DNAH2: variants seen among roughly 807,000 people sequenced by gnomAD.
DNAH2 encodes dynein axonemal heavy chain 2.
Under a neutral mutation model 523.5 loss-of-function variants are expected in DNAH2, and 323 were observed. The observed-to-expected ratio is 0.62, with a 90% CI of 0.56 to 0.68. The LOEUF (loss-of-function observed/expected upper bound fraction) is 0.68, where lower values mean the gene tolerates loss of function less well. Among genes scored for constraint, DNAH2 ranks in the 30% least tolerant of loss-of-function variants. The pLI is 0.00. For synonymous variants in DNAH2, 2,093 were observed against 2,177.4 expected, an observed-to-expected ratio of 0.96 and a Z score of 1.08; for missense variants, 4,907 against 5,701.5, an observed-to-expected ratio of 0.86 and a Z score of 4.49.
Position 7,792,704 on chromosome 17 carries a change from A to G in DNAH2, c.7193A>G (p.Tyr2398Cys). The change falls in exon 47 of 86, where the codon TAC becomes TGC. Residue 2398 changes from tyrosine to cysteine, a missense_variant. This residue lies in a region of DNAH2 where 2,806 missense variants were observed against 3,190.8 expected (regional missense o/e 0.88). Transcript: ENST00000572933. Reference sequence around the variant, plus strand: ...GTGCCCACCGTCGACACTGTTCGCTACAACTACCTGGTGAGCAGCTTGGTG... The same window carrying G: ...GTGCCCACCGTCGACACTGTTCGCTGCAACTACCTGGTGAGCAGCTTGGTG... ...IMVPTVDTVRYNYLVSSLVAN... is the reference protein window; with the variant it reads ...IMVPTVDTVRCNYLVSSLVAN... 3 of 1,614,162 alleles carry G rather than the reference A, an allele frequency of 1.9e-6. No homozygotes were observed. The highest frequency in any genetic ancestry group is 1.7e-6 in the Non-Finnish European group (2 of 1,180,026).
Position 7,799,183 on chromosome 17 carries a change from A to G in DNAH2, c.8640A>G (p.Glu2880=), listed in dbSNP as rs766112000. ...SSDSLFAYLI[E]RVQNNLHIVL... ...ACAGCCTCTTCGCCTACCTCATTGAACGCGTGCAGAACAACCTGCACATCG... is the reference window on the plus strand; with the variant it reads ...ACAGCCTCTTCGCCTACCTCATTGAGCGCGTGCAGAACAACCTGCACATCG... The change falls in exon 56 of 86, where the codon GAA becomes GAG. Residue 2880 remains glutamate, a synonymous_variant. Transcript: ENST00000572933. 2 of 1,614,048 alleles carry G rather than the reference A, an allele frequency of 1.2e-6. No individual in the cohort carries two copies. The highest frequency in any genetic ancestry group is 3.3e-5 in the Admixed American group (2 of 59,996).
intron 39 of DNAH2, among the ~76,000 whole-genome samples, chr17:7,785,094 A>ATT (rs33990598): frequency 2.2e-5 from 3 of 134,818 alleles, no homozygotes; most frequent in Admixed American, 7.4e-5. Context: ...AAATTAGAGA[A>ATT]TTTTTTTTTT....
In DNAH2 at chr17:7,731,750, C is replaced by T. The variant is rs545863171; in HGVS notation, c.400-1337C>T. ...AAACTTTTAAAAAAATGGACATGGCCGGGCACAGTGGCTCACGCCTATAAT... is the reference window on the plus strand; with the variant it reads ...AAACTTTTAAAAAAATGGACATGGCTGGGCACAGTGGCTCACGCCTATAAT... On this transcript the variant is annotated intron_variant, in intron 4 of 85. Coordinates refer to ENST00000572933, the MANE Select transcript of DNAH2 (RefSeq NM_020877.5). 8.7e-4 allele frequency among the ~76,000 whole-genome samples: 133 copies of T among 152,050 alleles called. 1 individual carries two copies. The highest frequency in any genetic ancestry group is 2.5e-3 in the African/African-American group (104 of 41,466).
intron 1 of DNAH2, among the ~76,000 whole-genome samples, chr17:7,719,276 C>G (rs529347356): frequency 1.1e-3 from 171 of 152,126 alleles, no homozygotes; most frequent in African/African-American, 4.0e-3. Flanking sequence ...TACAGGCACG[C>G]ACCACCACTC....
chr17:7,819,122 A>T, intron 71 of DNAH2, 59 bp downstream of exon 71: 1 of 1,602,706 alleles, frequency 6.2e-7, no homozygotes, highest in South Asian at 1.1e-5. Flanking sequence ...CAACTCCATC[A>T]TGACGGCTCG....
At chr17:7,765,025 C>T (rs981026033) in intron 20 of DNAH2, among the ~76,000 whole-genome samples, 7 of 152,128 alleles carry the variant, frequency 4.6e-5, no homozygotes, top group African/African-American at 1.7e-4. Flanking sequence ...TCCCAAAGTG[C>T]TGGGATCACA....
At position 7,798,498 on chromosome 17, in the gene DNAH2, G is replaced by C; in HGVS notation, c.8399-60G>C. The C allele has an allele frequency of 6.3e-7, 1 of 1,599,832 alleles. No individual in the cohort carries two copies. Among genetic ancestry groups the C allele is most frequent in the South Asian group, 1.1e-5 (1 of 89,660 alleles). Reference sequence around the variant, plus strand: ...GGAGGGTTCCTAAATCTCAGAAAAGGAATCAAGCCCAGGATGGGGAATCTG... The same window carrying C: ...GGAGGGTTCCTAAATCTCAGAAAAGCAATCAAGCCCAGGATGGGGAATCTG... On this transcript the variant is annotated intron_variant, in intron 54 of 85. Coordinates refer to ENST00000572933, the MANE Select transcript of DNAH2 (RefSeq NM_020877.5). The surrounding 1 kb of genome is among the most constrained non-coding windows in gnomAD (Gnocchi z 5.5).
In DNAH2 at chr17:7,780,753, C is replaced by T. The variant is rs139075634; in HGVS notation, c.5974C>T (p.Arg1992Cys). ...TCTGCGCTATGCTGGCAAGAAGCGC[C>T]GCCTACAGCCGGATCTGACTGATGA... ...SLLRYAGKKR[R>C]LQPDLTDEEV... Residue 1992 changes from arginine (R) to cysteine (C), a missense_variant, in exon 38 of 86, where the codon CGC (arginine) becomes TGC (cysteine). Arg to Cys is a radical substitution (Grantham distance 180, BLOSUM62 -3). Transcript: ENST00000572933. This position sits in a 1 kb window ranked among gnomAD's most constrained non-coding sequence, Gnocchi z 4.4. The T allele has an allele frequency of 2.4e-5, 39 of 1,614,128 alleles. No homozygotes were observed. Among genetic ancestry groups the T allele is most frequent in the Admixed American group, 1.0e-4 (6 of 60,014 alleles).
In DNAH2 at chr17:7,757,192, G is replaced by A. The variant is rs189529770; in HGVS notation, c.2006G>A (p.Arg669His). ...GTAGCTGAGCGAGCCGAGGACCTGCGCATTCTGCGTGAAAATCTGCTACTC... is the reference window on the plus strand; with the variant it reads ...GTAGCTGAGCGAGCCGAGGACCTGCACATTCTGCGTGAAAATCTGCTACTC... ...VNVAERAEDL[R>H]ILRENLLLVA... The change falls in exon 13 of 86, where the codon CGC (arginine) becomes CAC (histidine). Residue 669 changes from arginine (R) to histidine (H), a missense_variant. By Grantham distance (29) the Arg-to-His change is conservative. Around this residue, in one of 3 missense-constraint regions of DNAH2, gnomAD observed 2,806 missense variants for 3,190.8 expected, o/e 0.88. Transcript: ENST00000572933. The A allele has an allele frequency of 2.9e-5, 47 of 1,614,136 alleles. No individual in the cohort carries two copies. Among genetic ancestry groups the A allele is most frequent in the Non-Finnish European group, 3.6e-5 (43 of 1,180,014 alleles).
chr17:7,768,200 A>G lies in DNAH2; in HGVS notation c.3874A>G (p.Lys1292Glu). 6.2e-7 allele frequency: 1 copy of G among 1,614,136 alleles called. No homozygotes were observed. The highest frequency in any genetic ancestry group is 8.5e-7 in the Non-Finnish European group (1 of 1,180,010). ...NWEIIETTRS[K>E]IEQFKRTMPL... Reference sequence around the variant, plus strand: ...GGAAATTATTGAAACCACTCGCTCAAAAATAGAGCAGTTCAAGAGGACCAT... The same window carrying G: ...GGAAATTATTGAAACCACTCGCTCAGAAATAGAGCAGTTCAAGAGGACCAT... The change falls in exon 24 of 86, where the codon AAA becomes GAA. Residue 1292 changes from lysine (K) to glutamate (E), a missense_variant. Around this residue, in one of 3 missense-constraint regions of DNAH2, gnomAD observed 2,806 missense variants for 3,190.8 expected, o/e 0.88. Coordinates refer to ENST00000572933, the MANE Select transcript of DNAH2 (RefSeq NM_020877.5).
At chr17:7,731,481 TA>T (rs1457323383) in intron 4 of DNAH2, among the ~76,000 whole-genome samples, 3 of 152,104 alleles carry the variant, frequency 2.0e-5, no homozygotes, top group Non-Finnish European at 4.4e-5. Flanking sequence ...CAAGTAAAAT[TA>T]AATTTAATAG....
rs372853061 is a variant in DNAH2, at chr17:7,794,168, C to T, written c.7570-86C>T. On this transcript the variant is annotated intron_variant, in intron 48 of 85. Transcript: ENST00000572933. Reference sequence around the variant, plus strand: ...TTGTCCCTCCTCGCACTGTTTTCCTCCCACTCCTTTTCACCTGGCCTGTGT... The same window carrying T: ...TTGTCCCTCCTCGCACTGTTTTCCTTCCACTCCTTTTCACCTGGCCTGTGT... 123 of 937,274 alleles carry T rather than the reference C, an allele frequency of 1.3e-4. No individual in the cohort carries two copies. In the African/African-American group the frequency reaches 1.7e-3, roughly 13 times the overall value. The allele number at this position is 937,274 out of a possible 1,614,324, so 58.1% of individuals were successfully genotyped here. A position where few individuals can be genotyped will look rare whatever the true frequency, so the allele number is the denominator to read the frequency against.
chr17:7,795,984 G>GTGTATA (rs992413071), intron 49 of DNAH2, among the ~76,000 whole-genome samples: 2 of 143,574 alleles, frequency 1.4e-5, no homozygotes, highest in African/African-American at 5.1e-5. Flanking sequence ...TAAATATATA[G>GTGTATA]TATATATATA....
intron 63 of DNAH2, among the ~76,000 whole-genome samples, chr17:7,811,789 G>T (rs2077525316): frequency 6.6e-6 from 1 of 152,140 alleles, no homozygotes; most frequent in Admixed American, 6.5e-5. Flanking sequence ...GTTTGAAAAT[G>T]AATTTGAGTG....
At position 7,770,388 on chromosome 17, in the gene DNAH2, A is replaced by G. The variant is rs2076281811; in HGVS notation, c.4078A>G (p.Lys1360Glu). 1.2e-6 allele frequency: 2 copies of G among 1,613,472 alleles called. No homozygotes were observed. Among genetic ancestry groups the G allele is most frequent in the Non-Finnish European group, 1.7e-6 (2 of 1,179,682 alleles). ...KIGEISASAT[K>E]ELAIEVALQN... Reference sequence around the variant, plus strand: ...TGGGGAGATCTCTGCTTCAGCAACTAAAGAGCTGGCTATAGAAGTGGTACG... The same window carrying G: ...TGGGGAGATCTCTGCTTCAGCAACTGAAGAGCTGGCTATAGAAGTGGTACG... The change falls in exon 25 of 86, where the codon AAA (lysine) becomes GAA (glutamate). Residue 1360 changes from lysine (K) to glutamate (E), a missense_variant. By Grantham distance (56) the Lys-to-Glu change is moderately conservative. Coordinates refer to ENST00000572933, the MANE Select transcript of DNAH2 (RefSeq NM_020877.5).
chr17:7,728,120 CT>C (rs1362566334), intron 4 of DNAH2, among the ~76,000 whole-genome samples: 2 of 152,092 alleles, frequency 1.3e-5, no homozygotes, highest in Non-Finnish European at 2.9e-5. Context: ...CTATTGAAGT[CT>C]TTTATAGTTT....
At position 7,770,845 on chromosome 17, in the gene DNAH2, A is replaced by G; in HGVS notation, c.4274A>G (p.Asp1425Gly). ...CGCTTTGTCAAGGCCTTTGAGAAGG[A>G]TGTGGACCACTGGGAACGCTGCCTC... ...ASRFVKAFEK[D>G]VDHWERCLSL... The change falls in exon 27 of 86, where the codon GAT becomes GGT. Residue 1425 changes from aspartate (D) to glycine (G), a missense_variant. Physicochemically the swap from Asp to Gly is moderately conservative, Grantham distance 94. Transcript: ENST00000572933. The G allele has an allele frequency of 6.2e-7, 1 of 1,614,178 alleles. No homozygotes were observed. The highest frequency in any genetic ancestry group is 8.5e-7 in the Non-Finnish European group (1 of 1,180,032).
chr17:7,797,409 TGACCGGCTG>T lies in DNAH2; in HGVS notation c.7961_7969del (p.Asp2654_Leu2656del). On this transcript the variant is annotated inframe_deletion, in exon 52 of 86. Coordinates refer to ENST00000572933, the MANE Select transcript of DNAH2 (RefSeq NM_020877.5). The stretch of plus-strand genomic sequence containing the variant: ...AGTTCCCTGCCCACAGAGTCTTCTC[TGACCGGCTG>T]GTTGATGCGGCAGACACAGAAGCCT... 1 of 1,614,196 alleles carries T rather than the reference TGACCGGCTG, an allele frequency of 6.2e-7. No homozygotes were observed. Among genetic ancestry groups the T allele is most frequent in the East Asian group, 2.2e-5 (1 of 44,890 alleles).
At position 7,739,870 on chromosome 17, in the gene DNAH2, C is replaced by T; in HGVS notation, c.1308C>T (p.His436=). Residue 436 remains histidine (H), a synonymous_variant, in exon 9 of 86, where the codon CAC becomes CAT. Transcript: ENST00000572933. The stretch of plus-strand genomic sequence containing the variant: ...AGGACATCTTTCATAAAAATCTGCA[C>T]ACGCTGCGAGCCGTTCGCGGGGGTA... ...EIEDIFHKNL[H]TLRAVRGGIL... is the part of the protein sequence containing the mutation. The T allele has an allele frequency of 1.2e-6, 2 of 1,614,050 alleles. No homozygotes were observed. The highest frequency in any genetic ancestry group is 2.2e-5 in the South Asian group (2 of 91,064).
Sources: allele counts gnomAD v4.1 joint callset (sites outside exome capture counted in the v4.1 genomes callset), GRCh38; gene constraint gnomAD v4.1.1; regional missense constraint gnomAD v4.1.1; non-coding constraint Gnocchi (gnomAD v3.1); transcripts MANE v1.5; gene names NCBI Gene and HGNC (gene_info 2026-07-23, HGNC 2026-07-21).